Variants in ADCY2 observed in about 807,000 individuals in gnomAD.
ADCY2 encodes the protein adenylate cyclase 2, also known as adenylate cyclase type 2.
In ADCY2, 31 loss-of-function variants were observed where a neutral mutation model predicts 125.2. The ratio of observed to expected loss-of-function variants is 0.25; its 90% confidence interval spans 0.19 to 0.33. The LOEUF (loss-of-function observed/expected upper bound fraction) is 0.33. Among genes scored for constraint, ADCY2 ranks in the 10% least tolerant of loss-of-function variants. ADCY2 has a pLI of 1.00. For missense variants in ADCY2, 904 were observed against 1,418.2 expected, an observed-to-expected ratio of 0.64 and a Z score of 5.82; for synonymous variants, 512 against 548.4, an observed-to-expected ratio of 0.93 and a Z score of 0.93.
chr5:7,429,170 AC>A (rs1279280686), intron 2 of ADCY2, among the ~76,000 whole-genome samples: 1 of 152,230 alleles, frequency 6.6e-6, no homozygotes, highest in Non-Finnish European at 1.5e-5. Flanking sequence ...TGGTACTCGC[AC>A]AGGCCCTGAA....
Position 7,675,554 on chromosome 5 carries a change from G to A in ADCY2, c.721-15137G>A, listed in dbSNP as rs567666891. On this transcript the variant is annotated intron_variant, in intron 4 of 24. Coordinates refer to ENST00000338316, the MANE Select transcript of ADCY2 (RefSeq NM_020546.3). Reference sequence around the variant, plus strand: ...TTGAACTTGTCAAAAGAGACTTTGCGCCCGTCGAGGCTAACATATGAAGGT... The same window carrying A: ...TTGAACTTGTCAAAAGAGACTTTGCACCCGTCGAGGCTAACATATGAAGGT... 1.2e-4 allele frequency among the ~76,000 whole-genome samples: 19 copies of A among 152,298 alleles called. 1 individual carries two copies. The South Asian group carries it at 2.5e-3, about 20-fold the overall frequency.
intron 3 of ADCY2, among the ~76,000 whole-genome samples, chr5:7,601,330 C>A (rs531599202): frequency 2.0e-5 from 3 of 151,666 alleles, no homozygotes; most frequent in African/African-American, 7.3e-5. Context: ...GAAAAAAAAA[C>A]TGTGGAGGAA....
intron 4 of ADCY2, among the ~76,000 whole-genome samples, chr5:7,656,717 A>G (rs1211549595): frequency 6.6e-6 from 1 of 152,168 alleles, no homozygotes; most frequent in Non-Finnish European, 1.5e-5. Flanking sequence ...GATGTGAGGG[A>G]GTGCACTGTG....
At position 7,645,348 on chromosome 5, in the gene ADCY2, T is replaced by C. The variant is rs1243702843; in HGVS notation, c.720+19032T>C. On this transcript the variant is annotated intron_variant, in intron 4 of 24. Coordinates refer to ENST00000338316, the MANE Select transcript of ADCY2 (RefSeq NM_020546.3). ...TTCACTGGAAAGTTTCAAAAAGTGA[T>C]AATAAAAGCGGAGCCGGCATTTGCA... Among the ~76,000 whole-genome samples the C allele has an allele frequency of 2.0e-5, 3 of 152,148 alleles. No individual in the cohort carries two copies. In the East Asian group the frequency reaches 5.8e-4, roughly 29 times the overall value.
intron 2 of ADCY2, among the ~76,000 whole-genome samples, chr5:7,478,265 G>T (rs538536660): frequency 6.6e-6 from 1 of 152,068 alleles, no homozygotes; most frequent in Non-Finnish European, 1.5e-5. Flanking sequence ...ATAACAAAAG[G>T]GTTAACAAGG....
intron 2 of ADCY2, among the ~76,000 whole-genome samples, chr5:7,420,819 T>C (rs1212556966): frequency 6.6e-6 from 1 of 152,212 alleles, no homozygotes; most frequent in African/African-American, 2.4e-5. Flanking sequence ...TCATTTGTGC[T>C]TCCAATTCCC....
chr5:7,445,662 A>G (rs1741219437), intron 2 of ADCY2, among the ~76,000 whole-genome samples: 1 of 152,194 alleles, frequency 6.6e-6, no homozygotes, highest in South Asian at 2.1e-4. Flanking sequence ...GAGTGTTCTA[A>G]GTTCCTCATA....
chr5:7,669,178 G>A (rs1348984070), intron 4 of ADCY2, among the ~76,000 whole-genome samples: 1 of 150,378 alleles, frequency 6.6e-6, no homozygotes, highest in Non-Finnish European at 1.5e-5. Context: ...GAGTGTAGAT[G>A]AGCCAAGTCC....
intron 6 of ADCY2, among the ~76,000 whole-genome samples, chr5:7,696,078 A>G (rs1259955761): frequency 1.3e-5 from 2 of 152,200 alleles, no homozygotes; most frequent in Non-Finnish European, 2.9e-5. Context: ...TCACGTTTTT[A>G]TCTATTTTAA....
At chr5:7,586,305 CTAAAT>C (rs1293637758) in intron 3 of ADCY2, among the ~76,000 whole-genome samples, 1 of 152,140 alleles carries the variant, frequency 6.6e-6, no homozygotes, top group African/African-American at 2.4e-5. Context: ...AAAAATTATA[CTAAAT>C]TATTGATGTG....
At chr5:7,669,781 A>T (rs1739872338) in intron 4 of ADCY2, among the ~76,000 whole-genome samples, 1 of 152,210 alleles carries the variant, frequency 6.6e-6, no homozygotes, top group Non-Finnish European at 1.5e-5. Context: ...ATGGGGAACC[A>T]CTGAAGAGTT....
intron 3 of ADCY2, among the ~76,000 whole-genome samples, chr5:7,557,570 G>C (rs1230323838): frequency 6.6e-6 from 1 of 151,966 alleles, no homozygotes; most frequent in Non-Finnish European, 1.5e-5. Context: ...TCCCCTCTTT[G>C]TGTCCATGTG....
intron 4 of ADCY2, among the ~76,000 whole-genome samples, chr5:7,649,887 C>A (rs1355789527): frequency 6.6e-6 from 1 of 152,086 alleles, no homozygotes; most frequent in African/African-American, 2.4e-5. Flanking sequence ...CTTTCCCAGG[C>A]CAGAACTCTA....
At chr5:7,409,430 T>C (rs181714547) in intron 1 of ADCY2, among the ~76,000 whole-genome samples, 23 of 152,390 alleles carry the variant, frequency 1.5e-4, no homozygotes, top group Admixed American at 3.9e-4. Context: ...TTACTTTTCA[T>C]TCTAAAGGTT....
At chr5:7,677,030 G>C (rs113325685) in intron 4 of ADCY2, among the ~76,000 whole-genome samples, 1 of 151,818 alleles carries the variant, frequency 6.6e-6, no homozygotes, top group Non-Finnish European at 1.5e-5. Flanking sequence ...TAATCCCTGC[G>C]CTTTGGGAGG....
intron 12 of ADCY2, among the ~76,000 whole-genome samples, chr5:7,723,594 C>T (rs1021171495): frequency 2.6e-5 from 4 of 152,110 alleles, no homozygotes; most frequent in Admixed American, 6.5e-5. Flanking sequence ...CTATTCTGAA[C>T]GGATTGCTAA....
At chr5:7,479,221 G>A (rs1156397972) in intron 2 of ADCY2, among the ~76,000 whole-genome samples, 2 of 149,504 alleles carry the variant, frequency 1.3e-5, no homozygotes, top group Non-Finnish European at 2.9e-5. Context: ...AAAGGGGCAC[G>A]TTTGAATAAG....
rs953125458 is a variant in ADCY2 at position 7,796,104 on chromosome 5, C to A, written c.2629-6114C>A. 2.0e-5 allele frequency: 3 copies of A among 152,224 alleles called. No individual in the cohort carries two copies. In the East Asian group the frequency reaches 5.8e-4, roughly 29 times the overall value. The allele number at this position is 152,224 out of a possible 1,614,324, so 9.4% of individuals were successfully genotyped here. On this transcript the variant is annotated intron_variant, in intron 20 of 24. Transcript: ENST00000338316. ...AAGGACTTGAAGTCATGTTTTATTT[C>A]CCTGCCTGGGATCAGCTTATACCTG...
At position 7,783,830 on chromosome 5, in the gene ADCY2, C is replaced by G. The variant is rs1423191086; in HGVS notation, c.2385-535C>G. 2.0e-5 allele frequency among the ~76,000 whole-genome samples: 3 copies of G among 152,250 alleles called. No homozygotes were observed. The South Asian group carries it at 6.2e-4, about 32-fold the overall frequency. On this transcript the variant is annotated intron_variant, in intron 18 of 24. Transcript: ENST00000338316. Reference sequence around the variant, plus strand: ...TTATAAACTTGAACCTGAGGTCACTCAGGCAGTGTACCCAAAATTTTCATC... The same window carrying G: ...TTATAAACTTGAACCTGAGGTCACTGAGGCAGTGTACCCAAAATTTTCATC...
Sources: allele counts gnomAD v4.1 joint callset (sites outside exome capture counted in the v4.1 genomes callset), GRCh38; gene constraint gnomAD v4.1.1; transcripts MANE v1.5; gene names NCBI Gene and HGNC (gene_info 2026-07-23, HGNC 2026-07-21).